Variants in DLGAP2 observed in about 807,000 individuals in gnomAD.
DLGAP2 encodes the protein DLG associated protein 2.
In DLGAP2, 26 loss-of-function variants were observed where a neutral mutation model predicts 100.3. That is an observed-to-expected ratio of 0.26 (90% confidence interval 0.19 to 0.36). The LOEUF (loss-of-function observed/expected upper bound fraction) is 0.36, where lower values mean the gene tolerates loss of function less well. Among genes scored for constraint, DLGAP2 ranks in the 10% least tolerant of loss-of-function variants. The probability of loss-of-function intolerance (pLI) is 1.00; values close to 1 mark genes in which losing one functional copy is unlikely to be tolerated. For synonymous variants in DLGAP2, 886 were observed against 630.1 expected (o/e 1.41, Z -6.08); for missense variants, 1,858 against 1,453.2 (o/e 1.28, Z -4.53).
At chr8:1,450,319 CGG>C in intron 3 of DLGAP2, among the ~76,000 whole-genome samples, 1 of 110,702 alleles carries the variant, frequency 9.0e-6, no homozygotes, top group Non-Finnish European at 1.9e-5. Flanking sequence ...GTGGCTGAGG[CGG>C]AGCTGTGAGG....
At chr8:1,428,035 G>A (rs1450720500) in intron 3 of DLGAP2, among the ~76,000 whole-genome samples, 1 of 151,762 alleles carries the variant, frequency 6.6e-6, no homozygotes, top group Non-Finnish European at 1.5e-5. Context: ...ATTGGAAAAT[G>A]ACAAGGAAAA....
At chr8:1,202,494 G>A (rs1410673113) in intron 2 of DLGAP2, among the ~76,000 whole-genome samples, 1 of 152,140 alleles carries the variant, frequency 6.6e-6, no homozygotes, top group Non-Finnish European at 1.5e-5. Context: ...TAGGAAGAAG[G>A]AGATGTCAGA....
chr8:1,357,550 C>T (rs1429805553), intron 3 of DLGAP2, among the ~76,000 whole-genome samples: 1 of 152,142 alleles, frequency 6.6e-6, no homozygotes, highest in African/African-American at 2.4e-5. Flanking sequence ...TTTCCCGCCT[C>T]ACAGGTGCCC....
At position 954,357 on chromosome 8, in the gene DLGAP2, C is replaced by T. The variant is rs746822122; in HGVS notation, c.73+46391C>T. The stretch of plus-strand genomic sequence containing the variant: ...CCCTTTGACATTTCTCCATCCCTCT[C>T]GCCTCCCTTCAGCCCCTAGGAGAAA... On this transcript the variant is annotated intron_variant, in intron 2 of 14. Coordinates refer to ENST00000637795, the MANE Select transcript of DLGAP2 (RefSeq NM_001346810.2). Among the ~76,000 whole-genome samples the T allele has an allele frequency of 5.9e-5, 9 of 152,312 alleles. No homozygotes were observed. The South Asian group carries it at 8.3e-4, about 14-fold the overall frequency.
chr8:874,878 G>A (rs189058873), intron 1 of DLGAP2, among the ~76,000 whole-genome samples: 107 of 152,186 alleles, frequency 7.0e-4, no homozygotes, highest in African/African-American at 2.4e-3. Flanking sequence ...ACATGTTTTG[G>A]TGCTCTGTTG....
chr8:1,259,762 C>T (rs906954422), intron 3 of DLGAP2: 1 of 152,104 alleles, frequency 6.6e-6, no homozygotes, highest in Non-Finnish European at 1.5e-5. Flanking sequence ...TCAACCGTGT[C>T]CATTGGAAAG....
At chr8:1,667,433 C>T (rs1338148933) in intron 8 of DLGAP2, among the ~76,000 whole-genome samples, 2 of 152,136 alleles carry the variant, frequency 1.3e-5, no homozygotes, top group South Asian at 4.1e-4. Flanking sequence ...CACAGGTGAG[C>T]GTGGCCTGGC....
chr8:1,449,169 T>A (rs979951195), intron 3 of DLGAP2, among the ~76,000 whole-genome samples: 3 of 152,216 alleles, frequency 2.0e-5, no homozygotes, highest in Admixed American at 6.5e-5. Flanking sequence ...GTCACTTATA[T>A]GATCACGCTG....
chr8:1,310,354 C>T (rs922965371), intron 3 of DLGAP2, among the ~76,000 whole-genome samples: 1 of 152,122 alleles, frequency 6.6e-6, no homozygotes, highest in Non-Finnish European at 1.5e-5. Context: ...AAATCAAAAA[C>T]AGAGTCCCAA....
At chr8:744,940 G>T (rs1040293455) in intron 1 of DLGAP2, among the ~76,000 whole-genome samples, 1 of 152,196 alleles carries the variant, frequency 6.6e-6, no homozygotes, top group Admixed American at 6.5e-5. Flanking sequence ...CAGTCTGTCC[G>T]CATGCTGTCC....
chr8:1,334,818 G>C (rs375942084), intron 3 of DLGAP2, among the ~76,000 whole-genome samples: 18 of 151,878 alleles, frequency 1.2e-4, no homozygotes, highest in African/African-American at 4.3e-4. Flanking sequence ...CGCTGTAAAG[G>C]AAGAGACACG....
intron 2 of DLGAP2, among the ~76,000 whole-genome samples, chr8:1,171,309 G>C (rs911211712): frequency 6.6e-6 from 1 of 152,062 alleles, no homozygotes; most frequent in Non-Finnish European, 1.5e-5. Flanking sequence ...CAGAGTATGT[G>C]GTCAGTTTTG....
At chr8:1,513,833 G>A (rs1038818461) in intron 4 of DLGAP2, among the ~76,000 whole-genome samples, 5 of 150,632 alleles carry the variant, frequency 3.3e-5, no homozygotes, top group Admixed American at 2.0e-4. Flanking sequence ...GGTCCAACAC[G>A]AAACATCCTT....
chr8:1,471,825 C>T (rs796162203), intron 3 of DLGAP2, among the ~76,000 whole-genome samples: 6 of 152,284 alleles, frequency 3.9e-5, no homozygotes, highest in African/African-American at 1.4e-4. Context: ...TCACATCAAA[C>T]TCTCCAAGTC....
intron 3 of DLGAP2, among the ~76,000 whole-genome samples, chr8:1,327,046 G>A (rs759550747): frequency 1.3e-5 from 2 of 152,232 alleles, no homozygotes; most frequent in South Asian, 2.1e-4. Flanking sequence ...TTTCCATTGC[G>A]AAAATCCCGG....
intron 3 of DLGAP2, among the ~76,000 whole-genome samples, chr8:1,437,181 T>G (rs916038054): frequency 6.8e-6 from 1 of 146,110 alleles, no homozygotes; most frequent in Non-Finnish European, 1.5e-5. Context: ...GGTGACGCCA[T>G]CCGGGTCTGC....
chr8:1,199,350 T>C (rs1193002344), intron 2 of DLGAP2, among the ~76,000 whole-genome samples: 1 of 152,252 alleles, frequency 6.6e-6, no homozygotes, highest in East Asian at 1.9e-4. Flanking sequence ...TTAATCTATG[T>C]AGCAGTTTCT....
chr8:978,972 A>C (rs1459209458), intron 2 of DLGAP2, among the ~76,000 whole-genome samples: 1 of 152,188 alleles, frequency 6.6e-6, no homozygotes, highest in African/African-American at 2.4e-5. Context: ...TAGATCAGCA[A>C]GATTGGTGAG....
At position 1,434,827 on chromosome 8, in the gene DLGAP2, A is replaced by G. The variant is rs143548998; in HGVS notation, c.107-66539A>G. Among the ~76,000 whole-genome samples, 29 of 152,220 alleles carry G rather than the reference A, an allele frequency of 1.9e-4. No homozygotes were observed. The East Asian group carries it at 4.3e-3, about 22-fold the overall frequency. On this transcript the variant is annotated intron_variant, in intron 3 of 14. Transcript: ENST00000637795. ...TGCTCCGTGAACATGAGTAACATGC[A>G]TTATCGTTCCTTCCTCCTCCCTTCA...
Sources: allele counts gnomAD v4.1 joint callset (sites outside exome capture counted in the v4.1 genomes callset), GRCh38; gene constraint gnomAD v4.1.1; transcripts MANE v1.5; gene names NCBI Gene and HGNC (gene_info 2026-07-23, HGNC 2026-07-21).